The following KANSL1 variants were observed in gnomAD, a reference collection of about 807,000 sequenced individuals.
The protein encoded by KANSL1 is MLL1/MLL complex subunit KANSL1.
Under a neutral mutation model 103.6 loss-of-function variants are expected in KANSL1, and 22 were observed. The ratio of observed to expected loss-of-function variants is 0.21; its 90% confidence interval spans 0.15 to 0.30. The LOEUF is 0.30. KANSL1 is among the 10% of genes least tolerant of loss of function. The pLI is 1.00. For synonymous variants in KANSL1, 600 were observed against 527.6 expected (o/e 1.14, Z -1.88); for missense variants, 1,337 against 1,399.8 (o/e 0.96, Z 0.72).
At chr17:46,045,440 A>AAAAAAAAAAAAATATATATATATATAT (rs950085495) in intron 7 of KANSL1, 2 of 144,860 alleles carry the variant, frequency 1.4e-5, no homozygotes, top group Non-Finnish European at 3.1e-5. Context: ...TACATGTAAA[A>AAAAAAAAAAAAATATATATATATATAT]ATATATATAT....
At chr17:46,170,069 G>A (rs1344366242) in intron 2 of KANSL1, among the ~76,000 whole-genome samples, 2 of 152,172 alleles carry the variant, frequency 1.3e-5, no homozygotes, top group Admixed American at 1.3e-4. Flanking sequence ...CTGAACCCAG[G>A]AGCCAGAGGC....
At chr17:46,186,511 A>G (rs867941246) in intron 1 of KANSL1, among the ~76,000 whole-genome samples, 2 of 152,216 alleles carry the variant, frequency 1.3e-5, no homozygotes, top group African/African-American at 2.4e-5. Flanking sequence ...TTTTAAAAGT[A>G]CATTTTTCCA....
At chr17:46,185,446 A>G (rs576076430) in intron 1 of KANSL1, among the ~76,000 whole-genome samples, 1 of 152,358 alleles carries the variant, frequency 6.6e-6, no homozygotes, top group Non-Finnish European at 1.5e-5. Flanking sequence ...ATGTGGTTAC[A>G]CAGCATTATA....
intron 2 of KANSL1, among the ~76,000 whole-genome samples, chr17:46,095,511 A>T (rs1049037860): frequency 2.6e-5 from 4 of 152,242 alleles, no homozygotes; most frequent in African/African-American, 7.2e-5. Flanking sequence ...AGAAACGATC[A>T]AACTACTCAA....
At chr17:46,195,400 T>C (rs1235439149), upstream of KANSL1, among the ~76,000 whole-genome samples, 6 of 152,260 alleles carry the variant, frequency 3.9e-5, no homozygotes, top group Non-Finnish European at 7.3e-5. Flanking sequence ...TGGAAAATGC[T>C]CATTTTTAAA....
intron 2 of KANSL1, among the ~76,000 whole-genome samples, chr17:46,123,355 C>T (rs945753806): frequency 3.9e-5 from 6 of 152,030 alleles, no homozygotes; most frequent in South Asian, 4.1e-4. Context: ...CCAGCCTGGG[C>T]GGCAGAGCGA....
chr17:46,219,360 T>G (rs1211704003), intron 1 of KANSL1, among the ~76,000 whole-genome samples: 1 of 152,244 alleles, frequency 6.6e-6, no homozygotes, highest in African/African-American at 2.4e-5. Context: ...GTTAATTTTT[T>G]TTTTTTCTTT....
intron 4 of KANSL1, among the ~76,000 whole-genome samples, chr17:46,075,444 C>T (rs2078729506): frequency 6.6e-6 from 1 of 151,534 alleles, no homozygotes; most frequent in Non-Finnish European, 1.5e-5. Context: ...TCAAGTGATT[C>T]TTGTGCCTCA....
At chr17:46,102,359 C>T (rs1416313781) in intron 2 of KANSL1, among the ~76,000 whole-genome samples, 1 of 152,182 alleles carries the variant, frequency 6.6e-6, no homozygotes, top group African/African-American at 2.4e-5. Flanking sequence ...AAGTGATTTT[C>T]CTGCCTCAGC....
intron 1 of KANSL1, among the ~76,000 whole-genome samples, chr17:46,205,590 G>A (rs1187463518): frequency 1.3e-5 from 2 of 150,906 alleles, no homozygotes; most frequent in South Asian, 2.1e-4. Context: ...CTGAGGCAGT[G>A]GAATCACTTG....
At chr17:46,056,433 C>G (rs1353150552) in intron 6 of KANSL1, among the ~76,000 whole-genome samples, 1 of 150,850 alleles carries the variant, frequency 6.6e-6, no homozygotes, top group Admixed American at 6.7e-5. Flanking sequence ...GACTCCGCCA[C>G]TTACTAGCTG....
upstream of KANSL1, among the ~76,000 whole-genome samples, chr17:46,195,819 T>C (rs1037937345): frequency 1.3e-5 from 2 of 152,204 alleles, no homozygotes; most frequent in Non-Finnish European, 2.9e-5. Flanking sequence ...ATTACAGGCA[T>C]GAGCCACCAC....
rs949022695 is a variant in KANSL1, at chr17:46,165,008, G to A, written c.1289+5847C>T. The stretch of plus-strand genomic sequence containing the variant: ...TGTAGTCCCAGTTACTCCTGAGGCT[G>A]AGGCAGGAAGATCACTTGAACCTGG... On this transcript the variant is annotated intron_variant, in intron 2 of 14. Transcript: ENST00000432791. Among the ~76,000 whole-genome samples the A allele has an allele frequency of 2.6e-5, 4 of 152,318 alleles. No homozygotes were observed. The South Asian group carries it at 8.3e-4, about 32-fold the overall frequency.
At chr17:46,096,781 GC>G (rs1278489957) in intron 2 of KANSL1, among the ~76,000 whole-genome samples, 3 of 151,994 alleles carry the variant, frequency 2.0e-5, no homozygotes, top group Non-Finnish European at 4.4e-5. Context: ...ACCACGCCTG[GC>G]TAATTTTTGT....
At chr17:46,124,841 C>A (rs9898375) in intron 2 of KANSL1, among the ~76,000 whole-genome samples, 1 of 151,450 alleles carries the variant, frequency 6.6e-6, no homozygotes, top group Non-Finnish European at 1.5e-5. Context: ...ACTGCAATCT[C>A]GTGATAAAAC....
chr17:46,174,726 G>A (rs2046440332), intron 1 of KANSL1, among the ~76,000 whole-genome samples: 1 of 152,200 alleles, frequency 6.6e-6, no homozygotes, highest in African/African-American at 2.4e-5. Flanking sequence ...CCAAGCTAGA[G>A]TGCAGCGGCA....
At position 46,039,862 on chromosome 17, in the gene KANSL1, G is replaced by T; in HGVS notation, c.2043C>A (p.Phe681Leu). ...GCCACTGAGATTTCAGCATGCTCTG[G>T]AAATGCAGGCTTGTGGGAACATCTG... ...FPDDVPTSLH[F>L]QSMLKSQWQN... The change falls in exon 8 of 15, where the codon TTC becomes TTA. Residue 681 changes from phenylalanine to leucine, a missense_variant. Phe to Leu is a conservative substitution (Grantham distance 22, BLOSUM62 0). Transcript: ENST00000432791. The T allele has an allele frequency of 1.9e-6, 3 of 1,614,166 alleles. No individual in the cohort carries two copies. Among genetic ancestry groups the T allele is most frequent in the Non-Finnish European group, 2.5e-6 (3 of 1,180,020 alleles).
intron 2 of KANSL1, among the ~76,000 whole-genome samples, chr17:46,142,995 C>T (rs1291329089): frequency 6.6e-6 from 1 of 152,232 alleles, no homozygotes; most frequent in Non-Finnish European, 1.5e-5. Context: ...TTAACTTATA[C>T]TTTGCTTTTC....
At chr17:46,214,287 T>C (rs926101735) in intron 1 of KANSL1, among the ~76,000 whole-genome samples, 3 of 152,262 alleles carry the variant, frequency 2.0e-5, no homozygotes, top group African/African-American at 4.8e-5. Flanking sequence ...TTTCCACTGA[T>C]ACCCTCCTAA....
Sources: gnomAD v4.1 joint callset for allele counts (sites outside exome capture counted in the v4.1 genomes callset) on GRCh38, gnomAD v4.1.1 for gene constraint, MANE v1.5 for transcripts, NCBI Gene and HGNC (gene_info 2026-07-23, HGNC 2026-07-21) for gene names.